The following ALDH18A1 variants were observed in gnomAD, a reference collection of about 807,000 sequenced individuals.
The protein encoded by ALDH18A1 is aldehyde dehydrogenase 18 family member A1.
A neutral mutation model predicts 88.8 loss-of-function variants in ALDH18A1; 44 were observed. The observed-to-expected ratio is 0.50, with a 90% CI of 0.39 to 0.64. The LOEUF is 0.64. Among genes scored for constraint, ALDH18A1 ranks in the 30% least tolerant of loss-of-function variants. The pLI is 0.00. For synonymous variants in ALDH18A1, 331 were observed against 372.1 expected (o/e 0.89, Z 1.27); for missense variants, 782 against 1,009.5 (o/e 0.77, Z 3.05).
chr10:95,651,070 T>C (rs925058546), intron 2 of ALDH18A1, among the ~76,000 whole-genome samples: 3 of 151,368 alleles, frequency 2.0e-5, no homozygotes, highest in East Asian at 1.9e-4. Context: ...GAGGCAGAGG[T>C]TGCAGTGAGC....
In ALDH18A1 at chr10:95,613,989, C is replaced by G; in HGVS notation, c.1778G>C (p.Ser593Thr). The G allele has an allele frequency of 1.2e-6, 2 of 1,614,224 alleles. No individual in the cohort carries two copies. Among genetic ancestry groups the G allele is most frequent in the Admixed American group, 1.7e-5 (1 of 60,034 alleles). The change falls in exon 14 of 18, where the codon AGT (serine) becomes ACT (threonine). Residue 593 changes from serine to threonine, a missense_variant. Transcript: ENST00000371224. ...ICHMYVDSEA[S>T]VDKVTRLVRD... The stretch of plus-strand genomic sequence containing the variant: ...ACCTAGCCTGGTGACCTTATCAACA[C>G]TGGCCTCGGAATCCACATACATGTG...
At chr10:95,638,237 G>A (rs1367877560) in intron 3 of ALDH18A1, among the ~76,000 whole-genome samples, 1 of 152,026 alleles carries the variant, frequency 6.6e-6, no homozygotes, top group Non-Finnish European at 1.5e-5. Context: ...TGCCCAGGCT[G>A]GCCTCAAACT....
Position 95,647,108 on chromosome 10 carries a change from C to T in ALDH18A1, c.89-3902G>A, listed in dbSNP as rs532720503. Reference sequence around the variant, plus strand: ...TATCATGGTCAGTGAAAGAGCTCCACGTTCCAGAAAAATCCAAATCCCCAA... The same window carrying T: ...TATCATGGTCAGTGAAAGAGCTCCATGTTCCAGAAAAATCCAAATCCCCAA... On this transcript the variant is annotated intron_variant, in intron 2 of 17. Transcript: ENST00000371224. Among the ~76,000 whole-genome samples the T allele has an allele frequency of 2.0e-4, 30 of 152,206 alleles. 1 individual carries two copies. In the South Asian group the frequency reaches 3.3e-3, roughly 17 times the overall value.
chr10:95,607,638 G>A (rs7100377), intron 17 of ALDH18A1, among the ~76,000 whole-genome samples: 11,898 of 152,034 alleles, frequency 0.078, 549 homozygotes, highest in African/African-American at 0.11. Context: ...TTTTTGTGGC[G>A]CTGATATTAT....
chr10:95,637,500 G>A (rs538099026), intron 3 of ALDH18A1, 64 bp from the exon 4 acceptor site: 64 of 1,596,084 alleles, frequency 4.0e-5, no homozygotes, highest in Non-Finnish European at 5.3e-5. Flanking sequence ...CTCTTCACAA[G>A]GGATGGAGGT....
At chr10:95,608,944 C>T (rs537242644) in intron 17 of ALDH18A1, among the ~76,000 whole-genome samples, 113 of 152,208 alleles carry the variant, frequency 7.4e-4, no homozygotes, top group African/African-American at 2.3e-3. Flanking sequence ...GGTGCGGTCT[C>T]GGCTCACTGC....
rs2097895009 is a variant in ALDH18A1 at position 95,643,122 on chromosome 10, C to T, written c.173G>A (p.Gly58Asp). The T allele has an allele frequency of 6.2e-7, 1 of 1,614,050 alleles. No homozygotes were observed. Among genetic ancestry groups the T allele is most frequent in the Non-Finnish European group, 8.5e-7 (1 of 1,180,054 alleles). ...FITVPLSRTH[G>D]KSFAHRSELK... ...CTCACTGCGGTGGGCGAAGGACTTG[C>T]CATGTGTACGACTGAGGGGTACAGT... is the stretch of plus-strand genomic sequence containing the variant. Residue 58 changes from glycine (G) to aspartate (D), a missense_variant, in exon 3 of 18, where the codon GGC becomes GAC. By Grantham distance (94) the Gly-to-Asp change is moderately conservative (BLOSUM62 -1). Coordinates refer to ENST00000371224, the MANE Select transcript of ALDH18A1 (RefSeq NM_002860.4).
intron 1 of ALDH18A1, among the ~76,000 whole-genome samples, chr10:95,656,001 C>A (rs1261866108): frequency 6.6e-6 from 1 of 151,980 alleles, no homozygotes; most frequent in Non-Finnish European, 1.5e-5. Flanking sequence ...GGGGGAAGGA[C>A]GAGGTGGGGT....
At chr10:95,611,145 C>T in intron 16 of ALDH18A1, 111 bp downstream of exon 16, 2 of 1,299,466 alleles carry the variant, frequency 1.5e-6, no homozygotes, top group Non-Finnish European at 2.2e-6. Flanking sequence ...CTAAACATTA[C>T]CATAAGCCTA....
chr10:95,626,028 G>A (rs1217034261), intron 10 of ALDH18A1, among the ~76,000 whole-genome samples: 1 of 152,140 alleles, frequency 6.6e-6, no homozygotes, highest in Admixed American at 6.5e-5. Flanking sequence ...GCTAGATGAG[G>A]AAATGTGGCA....
Position 95,637,566 on chromosome 10 carries a change from G to A in ALDH18A1, c.304-130C>T, listed in dbSNP as rs1422536732. 5.4e-6 allele frequency: 6 copies of A among 1,105,400 alleles called. No homozygotes were observed. In the African/African-American group the frequency reaches 7.7e-5, roughly 14 times the overall value. 68.5% of individuals were successfully genotyped at this position (1,105,400 alleles called of 1,614,324 possible). A position where few individuals can be genotyped will look rare whatever the true frequency, so the allele number is the denominator to read the frequency against. ...TGGTTTATGAACCAGCATGTGGCTG[G>A]CTCTGGAAGAATCAGCCAGATTGGT... On this transcript the variant is annotated intron_variant, in intron 3 of 17. Transcript: ENST00000371224.
chr10:95,654,888 T>C (rs1805698162), intron 1 of ALDH18A1, among the ~76,000 whole-genome samples: 1 of 151,916 alleles, frequency 6.6e-6, no homozygotes, highest in Non-Finnish European at 1.5e-5. Flanking sequence ...GGTAAAACAA[T>C]CAAATTCCAG....
At chr10:95,626,282 A>G (rs1340891243) in intron 10 of ALDH18A1, among the ~76,000 whole-genome samples, 3 of 152,202 alleles carry the variant, frequency 2.0e-5, no homozygotes, top group East Asian at 1.9e-4. Flanking sequence ...CATGTCTGCT[A>G]CTTAGACTAA....
Position 95,627,843 on chromosome 10 carries a change from G to A in ALDH18A1, c.934-257C>T, listed in dbSNP as rs181182960. Among the ~76,000 whole-genome samples, 11 of 152,204 alleles carry A rather than the reference G, an allele frequency of 7.2e-5. No homozygotes were observed. The East Asian group carries it at 1.7e-3, about 24-fold the overall frequency. ...TTCTCTCTTCAGTCTCTCTAGTATG[G>A]GACTCATAACTTCTACATTTGATTT... On this transcript the variant is annotated intron_variant, in intron 8 of 17. Transcript: ENST00000371224.
Position 95,625,425 on chromosome 10 carries a change from G to C in ALDH18A1, c.1183C>G (p.Leu395Val), listed in dbSNP as rs2139584221. Residue 395 changes from leucine to valine, a missense_variant, in exon 11 of 18, where the codon CTG becomes GTG. Physicochemically the swap from Leu to Val is conservative, Grantham distance 32 (BLOSUM62 1). This residue lies in a region of ALDH18A1 where 556 missense variants were observed against 654.5 expected (regional missense o/e 0.85). Transcript: ENST00000371224. The part of the protein sequence containing the change: ...RAEIIHHLAD[L>V]LTDQRDEILL... ...ATCTCATCACGCTGGTCCGTCAACA[G>C]ATCAGCCAGATGATGGATAATTTCT... The C allele has an allele frequency of 1.2e-6, 2 of 1,613,982 alleles. No homozygotes were observed. Among genetic ancestry groups the C allele is most frequent in the Non-Finnish European group, 1.7e-6 (2 of 1,179,950 alleles).
rs1355506865 is a variant in ALDH18A1 at position 95,635,785 on chromosome 10, AAAAC to A, written c.558+1304_558+1307del. Among the ~76,000 whole-genome samples the A allele has an allele frequency of 1.3e-4, 20 of 152,270 alleles. No homozygotes were observed. The South Asian group carries it at 4.1e-3, about 32-fold the overall frequency. ...TGGACTCTTAATGCTACCATCATTC[AAAAC>A]AAAATAAAACAAAAACAAACTCTCA... On this transcript the variant is annotated intron_variant, in intron 5 of 17. Coordinates refer to ENST00000371224, the MANE Select transcript of ALDH18A1 (RefSeq NM_002860.4).
intron 12 of ALDH18A1, among the ~76,000 whole-genome samples, chr10:95,619,591 G>T (rs1363043503): frequency 3.3e-5 from 5 of 152,032 alleles, no homozygotes; most frequent in East Asian, 1.9e-4. Flanking sequence ...AAAACAGAGA[G>T]ATAGACCAAT....
At chr10:95,631,757 A>AAAAAAAAAAAAAAAAAAAAAAAAAAAT (rs2097870197) in intron 7 of ALDH18A1, among the ~76,000 whole-genome samples, 1 of 151,626 alleles carries the variant, frequency 6.6e-6, no homozygotes, top group African/African-American at 2.4e-5. Flanking sequence ...AAAAAAAAAA[A>AAAAAAAAAAAAAAAAAAAAAAAAAAAT]AAAAAAAACA....
chr10:95,618,942 C>T (rs1332307222), intron 12 of ALDH18A1, among the ~76,000 whole-genome samples: 1 of 152,254 alleles, frequency 6.6e-6, no homozygotes, highest in East Asian at 1.9e-4. Flanking sequence ...ATATGAACAA[C>T]TACTTTAGGA....
Sources: allele counts gnomAD v4.1 joint callset (sites outside exome capture counted in the v4.1 genomes callset), GRCh38; gene constraint gnomAD v4.1.1; regional missense constraint gnomAD v4.1.1; transcripts MANE v1.5; gene names NCBI Gene and HGNC (gene_info 2026-07-23, HGNC 2026-07-21).